The following MLLT10 variants were observed in gnomAD, a reference collection of about 807,000 sequenced individuals.
MLLT10 encodes the protein protein AF-10.
Under a neutral mutation model 129.1 loss-of-function variants are expected in MLLT10, and 30 were observed. The observed-to-expected ratio is 0.23, with a 90% confidence interval of 0.17 to 0.32. The LOEUF is 0.32. Ranked by LOEUF, MLLT10 falls within the 10% of genes least tolerant of loss-of-function variation. The pLI is 1.00. For synonymous variants in MLLT10, 490 were observed against 446.4 expected, an observed-to-expected ratio of 1.10 and a Z score of -1.23; for missense variants, 1,119 against 1,268.3, an observed-to-expected ratio of 0.88 and a Z score of 1.79.
At chr10:21,731,756 G>A (rs1046176479) in intron 17 of MLLT10, among the ~76,000 whole-genome samples, 7 of 152,162 alleles carry the variant, frequency 4.6e-5, no homozygotes, top group Admixed American at 2.0e-4. Context: ...GGCCGTGGGT[G>A]TAAAATGCAG....
At chr10:21,537,942 A>T (rs1236258504) in intron 2 of MLLT10, among the ~76,000 whole-genome samples, 2 of 152,224 alleles carry the variant, frequency 1.3e-5, no homozygotes, top group Admixed American at 6.5e-5. Context: ...CTGTGATTAG[A>T]TATGTGATGT....
chr10:21,565,199 T>C (rs2039395517), intron 3 of MLLT10, among the ~76,000 whole-genome samples: 1 of 152,218 alleles, frequency 6.6e-6, no homozygotes, highest in African/African-American at 2.4e-5. Context: ...CTCCAGCTTT[T>C]CTTTAATTAA....
At chr10:21,678,240 G>C (rs1018228104) in intron 11 of MLLT10, among the ~76,000 whole-genome samples, 6 of 152,046 alleles carry the variant, frequency 3.9e-5, no homozygotes, top group African/African-American at 1.4e-4. Flanking sequence ...TAGTAGCTGG[G>C]ACTACAGGTG....
At chr10:21,600,277 A>G (rs972197514) in intron 5 of MLLT10, among the ~76,000 whole-genome samples, 9 of 152,148 alleles carry the variant, frequency 5.9e-5, no homozygotes, top group African/African-American at 2.2e-4. Flanking sequence ...TAGGACTAAT[A>G]AAAGCACAAT....
chr10:21,538,857 C>A lies in MLLT10; in HGVS notation c.185C>A (p.Pro62His). The stretch of plus-strand genomic sequence containing the variant: ...GCTTGCTATGGCATTGTTCAAGTAC[C>A]CACTGGACCGTGGTTTTGCAGGAAA... ...HQACYGIVQV[P>H]TGPWFCRKCE... The change falls in exon 3 of 23, where the codon CCC (proline) becomes CAC (histidine). Residue 62 changes from proline to histidine, a missense_variant. This residue lies in a region of MLLT10 where 33 missense variants were observed against 76.9 expected (regional missense o/e 0.43). Transcript: ENST00000307729. The A allele has an allele frequency of 6.2e-7, 1 of 1,613,160 alleles. No individual in the cohort carries two copies. The highest frequency in any genetic ancestry group is 8.5e-7 in the Non-Finnish European group (1 of 1,179,362).
At position 21,681,322 on chromosome 10, in the gene MLLT10, C is replaced by G; in HGVS notation, c.1622-10C>G. The stretch of plus-strand genomic sequence containing the variant: ...TCTTCACTGATTTCCTTTTTCCTTC[C>G]TCTCAACAGAAATTTCCATGCAGTA... On this transcript the variant is annotated splice_polypyrimidine_tract_variant and intron_variant, in intron 11 of 22. Coordinates refer to ENST00000307729, the MANE Select transcript of MLLT10 (RefSeq NM_001195626.3). 1 of 1,611,780 alleles carries G rather than the reference C, an allele frequency of 6.2e-7. No homozygotes were observed. The highest frequency in any genetic ancestry group is 8.5e-7 in the Non-Finnish European group (1 of 1,179,468).
intron 9 of MLLT10, among the ~76,000 whole-genome samples, chr10:21,658,745 G>A (rs1010226771): frequency 1.3e-5 from 2 of 152,052 alleles, no homozygotes; most frequent in Non-Finnish European, 2.9e-5. Flanking sequence ...GCTCACTGCA[G>A]CCTCTGCCTC....
At chr10:21,638,101 T>C (rs1257789477) in intron 8 of MLLT10, among the ~76,000 whole-genome samples, 1 of 151,940 alleles carries the variant, frequency 6.6e-6, no homozygotes, top group Non-Finnish European at 1.5e-5. Context: ...TACGTGCTGC[T>C]CTTCTTGGTG....
intron 13 of MLLT10, among the ~76,000 whole-genome samples, chr10:21,713,333 C>G (rs1244841166): frequency 2.0e-5 from 3 of 152,210 alleles, no homozygotes; most frequent in Non-Finnish European, 4.4e-5. Context: ...ACCTTGTCGG[C>G]TTTCTAGAAC....
intron 21 of MLLT10, among the ~76,000 whole-genome samples, 169 bp from the exon 22 acceptor site, chr10:21,739,861 T>C (rs1193518889): frequency 6.6e-6 from 1 of 152,184 alleles, no homozygotes; most frequent in Non-Finnish European, 1.5e-5. Flanking sequence ...ATACTGACAT[T>C]TTATAGTAGA....
chr10:21,672,018 A>G lies in MLLT10; in HGVS notation c.1051+1314A>G, dbSNP rs1349048099. Reference sequence around the variant, plus strand: ...CCCACTAAATAAATAAATACAATCAAGGTTTACATTTTTTAGTAGATAAAC... The same window carrying G: ...CCCACTAAATAAATAAATACAATCAGGGTTTACATTTTTTAGTAGATAAAC... On this transcript the variant is annotated intron_variant, in intron 10 of 22. Transcript: ENST00000307729. Among the ~76,000 whole-genome samples the G allele has an allele frequency of 1.3e-5, 2 of 152,194 alleles. 1 individual carries two copies. The highest frequency in any genetic ancestry group is 4.8e-5 in the African/African-American group (2 of 41,448).
At chr10:21,710,795 A>G (rs1208464674) in intron 13 of MLLT10, among the ~76,000 whole-genome samples, 1 of 152,206 alleles carries the variant, frequency 6.6e-6, no homozygotes, top group Non-Finnish European at 1.5e-5. Context: ...TTATTTCTTT[A>G]AAGTTCTGTT....
rs116632176 is a variant in MLLT10 at position 21,636,740 on chromosome 10, A to G, written c.700-14933A>G. On this transcript the variant is annotated intron_variant, in intron 8 of 22. Transcript: ENST00000307729. ...CAGGCGTGTGCCACCACGTTGGCTA[A>G]TTTTTGTATTTTTAGTAGCTTTTTT... 3.1e-3 allele frequency among the ~76,000 whole-genome samples: 465 copies of G among 151,920 alleles called. 1 individual carries two copies. The highest frequency in any genetic ancestry group is 0.011 in the African/African-American group (444 of 41,448).
At chr10:21,681,838 A>G (rs889415233) in intron 12 of MLLT10, among the ~76,000 whole-genome samples, 10 of 152,184 alleles carry the variant, frequency 6.6e-5, no homozygotes, top group Admixed American at 1.3e-4. Context: ...TTTATAATAA[A>G]TATTGTTAAG....
At chr10:21,554,910 C>T (rs1445888782) in intron 3 of MLLT10, among the ~76,000 whole-genome samples, 1 of 151,846 alleles carries the variant, frequency 6.6e-6, no homozygotes, top group African/African-American at 2.4e-5. Flanking sequence ...CAACCCCTAC[C>T]ACCCGGGTTC....
At chr10:21,545,829 G>A (rs1166554162) in intron 3 of MLLT10, among the ~76,000 whole-genome samples, 1 of 152,116 alleles carries the variant, frequency 6.6e-6, no homozygotes, top group East Asian at 1.9e-4. Flanking sequence ...ACTATGTCCG[G>A]CTAATTTTAA....
At chr10:21,556,727 C>T (rs2038052141) in intron 3 of MLLT10, 2 of 1,612,148 alleles carry the variant, frequency 1.2e-6, no homozygotes, top group South Asian at 2.2e-5. Flanking sequence ...TGCATCTCCC[C>T]ACCCCCGATG....
Position 21,534,635 on chromosome 10 carries a change from T to C in MLLT10, c.1-10T>C. ...TGTGTTTTTTAATGGTCCCCCCAAC[T>C]CCCTCTTAGATGGTCTCTAGCGACC... On this transcript the variant is annotated splice_polypyrimidine_tract_variant and intron_variant, in intron 1 of 22. Transcript: ENST00000307729. 1 of 1,600,340 alleles carries C rather than the reference T, an allele frequency of 6.2e-7. No homozygotes were observed. The highest frequency in any genetic ancestry group is 8.5e-7 in the Non-Finnish European group (1 of 1,172,544).
chr10:21,651,998 C>T (rs926239237), intron 9 of MLLT10, among the ~76,000 whole-genome samples: 5 of 150,188 alleles, frequency 3.3e-5, no homozygotes, highest in African/African-American at 1.2e-4. Context: ...CTGCAACCTC[C>T]ACTTACCTGG....
Sources: gnomAD v4.1 joint callset for allele counts (sites outside exome capture counted in the v4.1 genomes callset) on GRCh38, gnomAD v4.1.1 for gene constraint, gnomAD v4.1.1 regional missense constraint, MANE v1.5 for transcripts, NCBI Gene and HGNC (gene_info 2026-07-23, HGNC 2026-07-21) for gene names.